MANBA: variants seen among roughly 807,000 people sequenced by gnomAD.
The protein encoded by MANBA is mannosidase beta.
MANBA carries 83 observed loss-of-function variants against 111.1 expected under a neutral mutation model. That is an observed-to-expected ratio of 0.75 (90% CI 0.63 to 0.90). The LOEUF (loss-of-function observed/expected upper bound fraction) is 0.90. Ranked by LOEUF, MANBA falls within the 40% of genes least tolerant of loss-of-function variation. The pLI is 0.00. For missense variants in MANBA, 1,036 were observed against 1,069.0 expected (o/e 0.97, Z 0.43); for synonymous variants, 370 against 378.7 (o/e 0.98, Z 0.27).
At chr4:102,741,207 C>T (rs1339253047) in intron 1 of MANBA, among the ~76,000 whole-genome samples, 6 of 151,994 alleles carry the variant, frequency 3.9e-5, no homozygotes, top group Non-Finnish European at 8.8e-5. Flanking sequence ...TTTAACATCA[C>T]TATCAGGGAA....
chr4:102,705,279 G>A (rs1268835241), intron 5 of MANBA, among the ~76,000 whole-genome samples: 1 of 152,148 alleles, frequency 6.6e-6, no homozygotes, highest in Non-Finnish European at 1.5e-5. Flanking sequence ...CTAGTATAGG[G>A]AGCTACAAGA....
chr4:102,745,382 A>C (rs1723550179), intron 1 of MANBA, among the ~76,000 whole-genome samples: 1 of 152,104 alleles, frequency 6.6e-6, no homozygotes, highest in African/African-American at 2.4e-5. Flanking sequence ...TGTTGTTCCC[A>C]CCGTTAGATC....
intron 1 of MANBA, among the ~76,000 whole-genome samples, chr4:102,754,485 A>G (rs901524582): frequency 5.3e-5 from 8 of 152,218 alleles, no homozygotes; most frequent in Non-Finnish European, 5.9e-5. Context: ...TGGTTTATAG[A>G]AACCTGTTTA....
chr4:102,636,041 G>A, intron 14 of MANBA, 34 bp from the exon 15 acceptor site: 1 of 1,598,544 alleles, frequency 6.3e-7, no homozygotes, highest in African/African-American at 1.3e-5. Context: ...GAGACGGCAA[G>A]GTCAAGTAGT....
At chr4:102,660,136 T>C (rs570525746) in intron 11 of MANBA, among the ~76,000 whole-genome samples, 4 of 152,352 alleles carry the variant, frequency 2.6e-5, no homozygotes, top group Admixed American at 2.6e-4. Context: ...CAGAATTCTT[T>C]ATTTACTAAT....
intron 1 of MANBA, among the ~76,000 whole-genome samples, chr4:102,735,763 A>G (rs370979163): frequency 6.6e-5 from 10 of 152,280 alleles, no homozygotes; most frequent in African/African-American, 2.4e-4. Context: ...TCATTTGTCA[A>G]CCATTTACTA....
rs553741892 is a variant in MANBA at position 102,727,618 on chromosome 4, C to T, written c.178-935G>A. 3.5e-4 allele frequency: 548 copies of T among 1,563,126 alleles called. 1 individual carries two copies. The highest frequency in any genetic ancestry group is 1.0e-3 in the Middle Eastern group (5 of 4,964). On this transcript the variant is annotated intron_variant, in intron 1 of 16. Coordinates refer to ENST00000647097, the MANE Select transcript of MANBA (RefSeq NM_005908.4). Reference sequence around the variant, plus strand: ...TTTGGGCTCGGGAGACAGGCCAGTGCCCATGTTGTTGTATTCCCATTGTGT... The same window carrying T: ...TTTGGGCTCGGGAGACAGGCCAGTGTCCATGTTGTTGTATTCCCATTGTGT...
At chr4:102,697,936 G>A (rs1292283949) in intron 5 of MANBA, among the ~76,000 whole-genome samples, 4 of 151,896 alleles carry the variant, frequency 2.6e-5, no homozygotes, top group African/African-American at 7.3e-5. Flanking sequence ...TCGCCACACT[G>A]ACTTCCACAA....
At chr4:102,720,884 T>A (rs1006265944) in intron 4 of MANBA, among the ~76,000 whole-genome samples, 1 of 152,166 alleles carries the variant, frequency 6.6e-6, no homozygotes, top group African/African-American at 2.4e-5. Context: ...AGTACTTATA[T>A]TAAGGAAACA....
chr4:102,656,742 T>C (rs917939601), intron 12 of MANBA, among the ~76,000 whole-genome samples: 4 of 152,128 alleles, frequency 2.6e-5, no homozygotes, highest in African/African-American at 9.7e-5. Context: ...CAGAATGTTA[T>C]TCAGCAATAA....
chr4:102,732,586 T>G (rs941478183), intron 1 of MANBA, among the ~76,000 whole-genome samples: 13 of 152,234 alleles, frequency 8.5e-5, no homozygotes, highest in Non-Finnish European at 1.8e-4. Context: ...AAGAAATATT[T>G]TGATAAGCTA....
intron 8 of MANBA, among the ~76,000 whole-genome samples, chr4:102,673,465 G>A (rs756694407): frequency 2.4e-4 from 36 of 150,888 alleles, no homozygotes; most frequent in Non-Finnish European, 5.3e-4. Context: ...CTGAGATCAC[G>A]CGACTGCACT....
chr4:102,670,870 A>G (rs1731463775), intron 9 of MANBA: 1 of 156,932 alleles, frequency 6.4e-6, no homozygotes, highest in African/African-American at 2.4e-5. Context: ...TAACAAATTA[A>G]AAATAAAAAA....
chr4:102,727,831 AT>A, intron 1 of MANBA: 1 of 617,088 alleles, frequency 1.6e-6, no homozygotes, highest in East Asian at 2.9e-5. Context: ...CCGGAAAAGG[AT>A]TTTCCTGAAG....
chr4:102,668,969 G>A lies in MANBA; in HGVS notation c.1311C>T (p.Ala437=), dbSNP rs1731358671. 1 of 1,611,172 alleles carries A rather than the reference G, an allele frequency of 6.2e-7. No homozygotes were observed. Among genetic ancestry groups the A allele is most frequent in the African/African-American group, 1.3e-5 (1 of 74,994 alleles). Residue 437 remains alanine (A), a synonymous_variant, in exon 10 of 17, where the codon GCC becomes GCT. Coordinates refer to ENST00000647097, the MANE Select transcript of MANBA (RefSeq NM_005908.4). ...TGGAAGGGTAGTAACATACCTGGTA[G>A]GCAACTTCTGCTGTCACTGAATCCA... ...GFLDSVTAEV[A]YQIKRLKSHP...
intron 1 of MANBA, chr4:102,751,328 C>A (rs1723782276): frequency 2.9e-6 from 1 of 345,036 alleles, no homozygotes; most frequent in African/African-American, 2.1e-5. Context: ...TTTGAGCGGC[C>A]TCTTTGTAGT....
chr4:102,678,393 C>T (rs1310302315), intron 7 of MANBA, among the ~76,000 whole-genome samples: 3 of 151,226 alleles, frequency 2.0e-5, no homozygotes, highest in Non-Finnish European at 4.4e-5. Context: ...TAAAAGCCTT[C>T]TTCTACAACA....
At position 102,723,026 on chromosome 4, in the gene MANBA, T is replaced by C. The variant is rs1303068395; in HGVS notation, c.394A>G (p.Asn132Asp). 1.2e-6 allele frequency: 2 copies of C among 1,613,984 alleles called. No individual in the cohort carries two copies. The highest frequency in any genetic ancestry group is 4.5e-5 in the East Asian group (2 of 44,882). Reference protein sequence around the residue: ...MFNRYSFDITNVVRDVNSIEL... With the variant: ...MFNRYSFDITDVVRDVNSIEL... ...ATGGAGTTCACGTCCCTGACCACGT[T>C]GGTAATATCAAAGCTCTAAGTTAAA... is the stretch of plus-strand genomic sequence containing the variant. The change falls in exon 4 of 17, where the codon AAC becomes GAC. Residue 132 changes from asparagine to aspartate, a missense_variant. Physicochemically the swap from Asn to Asp is conservative, Grantham distance 23. Coordinates refer to ENST00000647097, the MANE Select transcript of MANBA (RefSeq NM_005908.4).
At chr4:102,722,582 T>G (rs1264208922) in intron 4 of MANBA, 1 of 380,786 alleles carries the variant, frequency 2.6e-6, no homozygotes, top group Non-Finnish European at 4.9e-6. Context: ...ACTTAAATGT[T>G]AAAAAAATAA....
Sources: allele counts gnomAD v4.1 joint callset (sites outside exome capture counted in the v4.1 genomes callset), GRCh38; gene constraint gnomAD v4.1.1; transcripts MANE v1.5; gene names NCBI Gene and HGNC (gene_info 2026-07-23, HGNC 2026-07-21).